DOCK8: variants seen among roughly 807,000 people sequenced by gnomAD.
DOCK8 encodes dedicator of cytokinesis protein 8.
In DOCK8, 141 loss-of-function variants were observed where a neutral mutation model predicts 245.6. The ratio of observed to expected loss-of-function variants is 0.57; its 90% CI spans 0.50 to 0.66. The LOEUF (loss-of-function observed/expected upper bound fraction) is 0.66. Ranked by LOEUF, DOCK8 falls within the 30% of genes least tolerant of loss-of-function variation. The pLI is 0.00. For synonymous variants in DOCK8, 1,168 were observed against 970.2 expected (o/e 1.20, Z -3.79); for missense variants, 2,965 against 2,603.4 (o/e 1.14, Z -3.02).
chr9:444,672 C>G (rs1267245169), intron 43 of DOCK8, among the ~76,000 whole-genome samples: 1 of 152,132 alleles, frequency 6.6e-6, no homozygotes, highest in Non-Finnish European at 1.5e-5. Context: ...TTTTTGGTGG[C>G]CACTTGGCAT....
At chr9:344,562 T>C (rs555179922) in intron 14 of DOCK8, among the ~76,000 whole-genome samples, 1 of 152,100 alleles carries the variant, frequency 6.6e-6, no homozygotes, top group Admixed American at 6.5e-5. Flanking sequence ...TTGGGTGACC[T>C]CACCTTTTCA....
At chr9:383,671 G>T (rs1414547810) in intron 22 of DOCK8, among the ~76,000 whole-genome samples, 6 of 119,078 alleles carry the variant, frequency 5.0e-5, no homozygotes, top group South Asian at 5.6e-4. Flanking sequence ...CTGCACTCCA[G>T]CTTGAGCTAC....
At chr9:446,312 C>G (rs2057257173) in intron 43 of DOCK8, 58 bp from the exon 44 acceptor site, 1 of 1,450,106 alleles carries the variant, frequency 6.9e-7, no homozygotes, top group Non-Finnish European at 9.7e-7. Flanking sequence ...TCCATTGCGT[C>G]AGGGATGGCC....
rs2053553551 is a variant in DOCK8, at chr9:377,157, C to A, written c.2386C>A (p.Leu796Met). 1 of 1,605,604 alleles carries A rather than the reference C, an allele frequency of 6.2e-7. No homozygotes were observed. Among genetic ancestry groups the A allele is most frequent in the Non-Finnish European group, 8.5e-7 (1 of 1,179,670 alleles). Reference sequence around the variant, plus strand: ...GCTCGTGCTCTTCCTGCACCTGGTGCTGGACAAGCTCTTCCAGCTGTCCGT... The same window carrying A: ...GCTCGTGCTCTTCCTGCACCTGGTGATGGACAAGCTCTTCCAGCTGTCCGT... ...EPLVLFLHLV[L>M]DKLFQLSVQP... The change falls in exon 20 of 48, where the codon CTG becomes ATG. Residue 796 changes from leucine to methionine, a missense_variant. Leu to Met is a conservative substitution (Grantham distance 15). Coordinates refer to ENST00000432829, the MANE Select transcript of DOCK8 (RefSeq NM_203447.4).
chr9:269,738 A>G (rs996038459), intron 1 of DOCK8, among the ~76,000 whole-genome samples: 3 of 151,714 alleles, frequency 2.0e-5, no homozygotes, highest in Non-Finnish European at 2.9e-5. Context: ...TTGTATTTTT[A>G]GTAGAGATGG....
intron 1 of DOCK8, among the ~76,000 whole-genome samples, chr9:240,752 A>G (rs982434737): frequency 6.6e-6 from 1 of 152,150 alleles, no homozygotes; most frequent in African/African-American, 2.4e-5. Context: ...GGATTTGGAA[A>G]GACCCTGCTT....
intron 5 of DOCK8, among the ~76,000 whole-genome samples, chr9:309,978 G>A (rs2050023421): frequency 6.6e-6 from 1 of 152,112 alleles, no homozygotes; most frequent in African/African-American, 2.4e-5. Context: ...TGCAGAAGAA[G>A]TCATCGTGGC....
intron 24 of DOCK8, among the ~76,000 whole-genome samples, chr9:392,664 T>C (rs2054251617): frequency 6.6e-6 from 1 of 152,148 alleles, no homozygotes; most frequent in Non-Finnish European, 1.5e-5. Flanking sequence ...ACCAGAATTT[T>C]TTTTTCATTC....
intron 46 of DOCK8, chr9:454,521 G>A (rs1402264641): frequency 6.6e-6 from 1 of 151,458 alleles, no homozygotes; most frequent in Non-Finnish European, 1.5e-5. Context: ...GAGTGGACCA[G>A]CAGGACCACG....
upstream of DOCK8, chr9:213,654 T>G (rs1181819151): frequency 6.6e-6 from 1 of 151,866 alleles, no homozygotes; most frequent in African/African-American, 2.4e-5. Flanking sequence ...TAATGCCGAG[T>G]GGTCAATAGC....
chr9:251,026 T>G (rs1400752762), intron 1 of DOCK8, among the ~76,000 whole-genome samples: 3 of 152,150 alleles, frequency 2.0e-5, no homozygotes, highest in African/African-American at 7.2e-5. Context: ...AGCAGACTTA[T>G]AGGAAGCAAA....
Position 418,956 on chromosome 9 carries a change from A to C in DOCK8, c.3840+749A>C, listed in dbSNP as rs147054173. On this transcript the variant is annotated intron_variant, in intron 30 of 47. Transcript: ENST00000432829. ...TCTTAAACAAGACTGCAGCTTTTCT[A>C]GGACCCCAGGGAGCCTAAGGAGGGT... 7.1e-3 allele frequency among the ~76,000 whole-genome samples: 1,075 copies of C among 152,232 alleles called. 22 individuals are homozygous for C. The highest frequency in any genetic ancestry group is 0.024 in the African/African-American group (1,016 of 41,524).
chr9:363,653 G>A (rs2052840207), intron 14 of DOCK8, among the ~76,000 whole-genome samples: 1 of 152,130 alleles, frequency 6.6e-6, no homozygotes, highest in Admixed American at 6.6e-5. Context: ...CTGGATGTTA[G>A]TTTCCTGACC....
At chr9:247,054 A>G (rs991358945) in intron 1 of DOCK8, among the ~76,000 whole-genome samples, 3 of 152,230 alleles carry the variant, frequency 2.0e-5, no homozygotes, top group African/African-American at 7.2e-5. Flanking sequence ...TGAGGATCAC[A>G]TGCGAGCTAC....
At chr9:442,549 T>A (rs1244483839) in intron 42 of DOCK8, among the ~76,000 whole-genome samples, 2 of 152,178 alleles carry the variant, frequency 1.3e-5, no homozygotes, top group Admixed American at 1.3e-4. Context: ...ATTTGGTCCA[T>A]AATACAACAG....
At chr9:333,595 T>C (rs943418253) in intron 10 of DOCK8, among the ~76,000 whole-genome samples, 7 of 134,098 alleles carry the variant, frequency 5.2e-5, no homozygotes, top group South Asian at 2.2e-4. Flanking sequence ...AGTGAGACTC[T>C]GTCTCAAAAA....
chr9:401,837 G>A (rs536672822), intron 26 of DOCK8, among the ~76,000 whole-genome samples: 3 of 152,226 alleles, frequency 2.0e-5, no homozygotes, highest in Admixed American at 2.0e-4. Context: ...CTCATCTAAG[G>A]GAAGTCCTGA....
Position 449,782 on chromosome 9 carries a change from A to C in DOCK8, c.5818-2A>C. 1 of 1,612,682 alleles carries C rather than the reference A, an allele frequency of 6.2e-7. No individual in the cohort carries two copies. Among genetic ancestry groups the C allele is most frequent in the Non-Finnish European group, 8.5e-7 (1 of 1,180,004 alleles). On this transcript the variant is annotated splice_acceptor_variant, in intron 44 of 47. Coordinates refer to ENST00000432829, the MANE Select transcript of DOCK8 (RefSeq NM_203447.4). LOFTEE classifies it high-confidence loss of function. ...TTCCCTATGTTTACGTCTCATGTTC[A>C]GTTTGTTTTGACACCGATTGAAGTT...
chr9:382,645 C>G lies in DOCK8; in HGVS notation c.2738C>G (p.Ser913Cys). 1 of 1,614,200 alleles carries G rather than the reference C, an allele frequency of 6.2e-7. No homozygotes were observed. The highest frequency in any genetic ancestry group is 8.5e-7 in the Non-Finnish European group (1 of 1,180,050). Reference sequence around the variant, plus strand: ...AACCCAGACCTCGCGGGGACACACTCCGCAGCAGACGAGGAAGTGAAGAAC... The same window carrying G: ...AACCCAGACCTCGCGGGGACACACTGCGCAGCAGACGAGGAAGTGAAGAAC... ...SSNPDLAGTHSAADEEVKNIM... is the reference protein window; with the variant it reads ...SSNPDLAGTHCAADEEVKNIM... The change falls in exon 22 of 48, where the codon TCC becomes TGC. Residue 913 changes from serine to cysteine, a missense_variant. Physicochemically the swap from Ser to Cys is moderately radical, Grantham distance 112. This residue lies in a region of DOCK8 where 2,825 missense variants were observed against 2,453.5 expected (regional missense o/e 1.15). Transcript: ENST00000432829.
Sources: allele counts gnomAD v4.1 joint callset (sites outside exome capture counted in the v4.1 genomes callset), GRCh38; gene constraint gnomAD v4.1.1; regional missense constraint gnomAD v4.1.1; transcripts MANE v1.5; gene names NCBI Gene and HGNC (gene_info 2026-07-23, HGNC 2026-07-21).